MMP26: variants seen among roughly 807,000 people sequenced by gnomAD.
The protein encoded by MMP26 is matrix metallopeptidase 26.
In MMP26, 33 loss-of-function variants were observed where a neutral mutation model predicts 31.0. That is an observed-to-expected ratio of 1.06 (90% CI 0.81 to 1.42). The LOEUF is 1.42. Among genes scored for constraint, MMP26 ranks in the 40% most tolerant of loss-of-function variants. The pLI is 0.00. For missense variants in MMP26, 347 were observed against 316.1 expected, an observed-to-expected ratio of 1.10 and a Z score of -0.74; for synonymous variants, 122 against 114.9, an observed-to-expected ratio of 1.06 and a Z score of -0.40.
At chr11:4,758,466 GAAA>G (rs376347621) in intron 1 of MMP26, among the ~76,000 whole-genome samples, 3,303 of 93,318 alleles carry the variant, frequency 0.035, 38 homozygotes, top group South Asian at 0.13. Flanking sequence ...CATCCATTTG[GAAA>G]AAAAAAAAAA....
chr11:4,904,323 T>G (rs904333031), intron 2 of MMP26, among the ~76,000 whole-genome samples: 40 of 152,106 alleles, frequency 2.6e-4, no homozygotes, highest in African/African-American at 9.4e-4. Context: ...GTTTGTGCGT[T>G]AGCTTGAGAA....
At chr11:4,716,650 C>CCTTTTT (rs1847933896) in intron 1 of MMP26, among the ~76,000 whole-genome samples, 1 of 65,004 alleles carries the variant, frequency 1.5e-5, no homozygotes, top group Non-Finnish European at 2.6e-5. Flanking sequence ...TCTCTTACCT[C>CCTTTTT]TTTTTTTTTT....
intron 2 of MMP26, among the ~76,000 whole-genome samples, chr11:4,868,330 G>A (rs993619510): frequency 1.3e-5 from 2 of 152,102 alleles, no homozygotes; most frequent in African/African-American, 4.8e-5. Flanking sequence ...CATCGTCTCA[G>A]CTCAAAATCT....
chr11:4,907,023 G>A (rs1850901478), intron 2 of MMP26, among the ~76,000 whole-genome samples: 1 of 146,184 alleles, frequency 6.8e-6, no homozygotes, highest in African/African-American at 2.5e-5. Context: ...TTGATCGCGG[G>A]AGGTGGAGGT....
At chr11:4,915,960 T>C (rs1331297111) in intron 2 of MMP26, among the ~76,000 whole-genome samples, 1 of 152,114 alleles carries the variant, frequency 6.6e-6, no homozygotes, top group Admixed American at 6.5e-5. Flanking sequence ...TTTTTGCTCT[T>C]TTCTGACTTC....
chr11:4,741,813 C>T (rs1848316129), intron 1 of MMP26, among the ~76,000 whole-genome samples: 1 of 151,856 alleles, frequency 6.6e-6, no homozygotes, highest in African/African-American at 2.4e-5. Flanking sequence ...AAACCAAAAA[C>T]AACAAGAAAA....
At chr11:4,846,131 G>T (rs1849863217) in intron 2 of MMP26, among the ~76,000 whole-genome samples, 2 of 152,104 alleles carry the variant, frequency 1.3e-5, no homozygotes, top group Non-Finnish European at 1.5e-5. Context: ...GTTCACAATA[G>T]CTATGATTTG....
chr11:4,915,610 C>A (rs369689751), intron 2 of MMP26: 32 of 1,613,894 alleles, frequency 2.0e-5, no homozygotes, highest in Non-Finnish European at 2.5e-5. Flanking sequence ...TGCCACTCAG[C>A]AGGAAGGTAG....
intron 2 of MMP26, among the ~76,000 whole-genome samples, chr11:4,899,556 A>G (rs1202656579): frequency 6.6e-6 from 1 of 152,178 alleles, no homozygotes; most frequent in Non-Finnish European, 1.5e-5. Context: ...GGCTAAGGCT[A>G]TTTCACTTGC....
chr11:4,799,729 G>C (rs1327216093), intron 2 of MMP26, among the ~76,000 whole-genome samples: 1 of 152,104 alleles, frequency 6.6e-6, no homozygotes, highest in Non-Finnish European at 1.5e-5. Flanking sequence ...ATCAAAACAA[G>C]TTATTTACTT....
intron 1 of MMP26, among the ~76,000 whole-genome samples, chr11:4,740,692 A>C (rs1230273612): frequency 6.7e-6 from 1 of 149,762 alleles, no homozygotes; most frequent in Non-Finnish European, 1.5e-5. Flanking sequence ...AAAAAAAAAA[A>C]AAAAAAGAAA....
chr11:4,746,831 T>TCACACATACA (rs1554929540), intron 1 of MMP26, among the ~76,000 whole-genome samples: 3 of 137,116 alleles, frequency 2.2e-5, no homozygotes, highest in Non-Finnish European at 3.1e-5. Flanking sequence ...TAAGTCTCTG[T>TCACACATACA]CACACACACA....
intron 2 of MMP26, among the ~76,000 whole-genome samples, chr11:4,982,143 T>C (rs1224304826): frequency 1.3e-5 from 2 of 152,006 alleles, no homozygotes; most frequent in Non-Finnish European, 2.9e-5. Flanking sequence ...TACATATATA[T>C]TGAGTACACT....
chr11:4,715,660 G>A (rs1161948807), intron 1 of MMP26, among the ~76,000 whole-genome samples: 1 of 152,132 alleles, frequency 6.6e-6, no homozygotes, highest in East Asian at 1.9e-4. Flanking sequence ...GATAAATATG[G>A]TCAATCAAGA....
intron 2 of MMP26, chr11:4,924,046 G>T: frequency 6.2e-7 from 1 of 1,614,172 alleles, no homozygotes; most frequent in Non-Finnish European, 8.5e-7. Context: ...GAGTGAAACA[G>T]GCAGGGATGC....
intron 2 of MMP26, among the ~76,000 whole-genome samples, chr11:4,864,515 C>T (rs904911910): frequency 3.3e-5 from 5 of 152,028 alleles, no homozygotes; most frequent in African/African-American, 9.7e-5. Flanking sequence ...ATCATATGGC[C>T]GAAGGTTATT....
intron 1 of MMP26, chr11:4,712,125 A>C (rs1359653491): frequency 6.6e-6 from 1 of 152,206 alleles, no homozygotes; most frequent in Non-Finnish European, 1.5e-5. Flanking sequence ...ATGTATGCTT[A>C]TTGAATTAAA....
chr11:4,758,790 A>G (rs1848536155), intron 1 of MMP26, among the ~76,000 whole-genome samples: 1 of 152,166 alleles, frequency 6.6e-6, no homozygotes, highest in Non-Finnish European at 1.5e-5. Flanking sequence ...CAATTGAATA[A>G]TGTGTTTACT....
chr11:4,950,268 G>T lies in MMP26; in HGVS notation c.-144-37800G>T, dbSNP rs1411466173. Among the ~76,000 whole-genome samples the T allele has an allele frequency of 3.3e-5, 4 of 122,128 alleles. 2 individuals are homozygous for T. In the East Asian group the frequency reaches 9.2e-4, roughly 28 times the overall value. 80.1% of individuals were successfully genotyped at this position (122,128 alleles called of 152,430 possible). On this transcript the variant is annotated intron_variant, in intron 2 of 7. Coordinates refer to ENST00000380390, the MANE Select transcript of MMP26 (RefSeq NM_021801.5). ...CCAGGAAAAACAAATTTCATAGACA[G>T]AATTAATTAATAGAAAGCATTTCCA...
Sources: gnomAD v4.1 joint callset for allele counts (sites outside exome capture counted in the v4.1 genomes callset) on GRCh38, gnomAD v4.1.1 for gene constraint, MANE v1.5 for transcripts, NCBI Gene and HGNC (gene_info 2026-07-23, HGNC 2026-07-21) for gene names.